Variants in ATL2 observed in about 807,000 individuals in gnomAD.
The protein encoded by ATL2 is atlastin GTPase 2, also known as atlastin-2.
ATL2 carries 31 observed loss-of-function variants against 73.9 expected under a neutral mutation model. The ratio of observed to expected loss-of-function variants is 0.42; its 90% CI spans 0.32 to 0.57. ATL2 has a LOEUF of 0.57. Among genes scored for constraint, ATL2 ranks in the 20% least tolerant of loss-of-function variants. The pLI, the probability that ATL2 is intolerant of heterozygous loss-of-function variation, is 0.14. For missense variants in ATL2, 738 were observed against 702.6 expected, an observed-to-expected ratio of 1.05 and a Z score of -0.57; for synonymous variants, 291 against 237.5, an observed-to-expected ratio of 1.23 and a Z score of -2.07.
intron 1 of ATL2, among the ~76,000 whole-genome samples, chr2:38,348,743 A>C (rs1425677175): frequency 6.6e-6 from 1 of 151,810 alleles, no homozygotes; most frequent in African/African-American, 2.4e-5. Flanking sequence ...GCAACCTACA[A>C]AATGGGAGAA....
intron 1 of ATL2, among the ~76,000 whole-genome samples, chr2:38,367,043 G>C (rs368048309): frequency 1.3e-5 from 2 of 151,606 alleles, no homozygotes; most frequent in Admixed American, 6.6e-5. Context: ...TCACTATGTC[G>C]CCCAGGCTCA....
chr2:38,314,549 G>T (rs1295280109), intron 6 of ATL2, 59 bp downstream of exon 6: 5 of 1,235,560 alleles, frequency 4.0e-6, no homozygotes, highest in Admixed American at 1.8e-5. Flanking sequence ...ATTACAAACT[G>T]AGGTGGCTTC....
chr2:38,376,493 G>A (rs964580791), intron 1 of ATL2: 2 of 208,498 alleles, frequency 9.6e-6, no homozygotes, highest in African/African-American at 4.6e-5. Flanking sequence ...TTGCACCCTA[G>A]CCACGCACAA....
chr2:38,363,370 T>TGGGGG (rs35089431), intron 1 of ATL2, among the ~76,000 whole-genome samples: 1 of 120,492 alleles, frequency 8.3e-6, no homozygotes, highest in East Asian at 2.7e-4. Flanking sequence ...ATTAAAAAGG[T>TGGGGG]GGGGGGGGGG....
In ATL2 at chr2:38,377,222, C is replaced by T. The variant is rs376807453; in HGVS notation, c.39G>A (p.Pro13=). The change falls in exon 1 of 13, where the codon CCG becomes CCA. Residue 13 remains proline, a synonymous_variant. Transcript: ENST00000378954. ...EGDEAARGQQ[P]HQGLWRRRRT... ...GTCGCCGGCGCCACAGCCCCTGGTG[C>T]GGTTGCTGCCCTCGCGCTGCCTCGT... 42 of 1,606,000 alleles carry T rather than the reference C, an allele frequency of 2.6e-5. No homozygotes were observed. Among genetic ancestry groups the T allele is most frequent in the Non-Finnish European group, 3.5e-5 (41 of 1,177,134 alleles).
chr2:38,367,594 C>CAAAAAAA (rs367909549), intron 1 of ATL2, among the ~76,000 whole-genome samples: 2 of 52,496 alleles, frequency 3.8e-5, no homozygotes, highest in Admixed American at 3.7e-4. Context: ...GAATCCATCT[C>CAAAAAAA]AAAAAAAAAA....
chr2:38,364,707 T>A (rs1269193986), intron 1 of ATL2, among the ~76,000 whole-genome samples: 2 of 152,242 alleles, frequency 1.3e-5, no homozygotes, highest in African/African-American at 4.8e-5. Context: ...GAAGGTTTCC[T>A]TGACTCAGGC....
At chr2:38,357,409 C>A (rs1217848591) in intron 1 of ATL2, among the ~76,000 whole-genome samples, 7 of 151,166 alleles carry the variant, frequency 4.6e-5, no homozygotes, top group Non-Finnish European at 7.4e-5. Context: ...TCCTACAGAA[C>A]CCTCAGTCAG....
chr2:38,377,357 C>A (rs1672050860), upstream of ATL2: 6 of 1,007,476 alleles, frequency 6.0e-6, no homozygotes, highest in South Asian at 9.8e-5. Context: ...CGGGTCCTAG[C>A]GCCGCTCTCC....
intron 1 of ATL2, among the ~76,000 whole-genome samples, chr2:38,361,207 A>C (rs892920489): frequency 6.6e-6 from 1 of 151,960 alleles, no homozygotes; most frequent in Non-Finnish European, 1.5e-5. Flanking sequence ...ACAAAAAATT[A>C]GCCAGGCGTG....
intron 1 of ATL2, among the ~76,000 whole-genome samples, chr2:38,357,651 C>CAAAAAA (rs1212548216): frequency 1.5e-5 from 1 of 66,342 alleles, no homozygotes; most frequent in African/African-American, 5.6e-5. Context: ...GACTCCGTCT[C>CAAAAAA]AAAAAAAAAA....
intron 1 of ATL2, among the ~76,000 whole-genome samples, chr2:38,366,702 G>C (rs551335739): frequency 3.1e-4 from 47 of 152,198 alleles, no homozygotes; most frequent in African/African-American, 1.1e-3. Context: ...TATGCATAAA[G>C]TCTCTATGAT....
intron 2 of ATL2, among the ~76,000 whole-genome samples, chr2:38,341,064 C>T (rs1669686945): frequency 6.6e-6 from 1 of 152,170 alleles, no homozygotes; most frequent in East Asian, 1.9e-4. Context: ...ACAGAAATGG[C>T]ACCTGAGGTG....
intron 12 of ATL2, 107 bp from the exon 13 acceptor site, chr2:38,296,220 A>C: frequency 1.4e-6 from 2 of 1,430,778 alleles, no homozygotes; most frequent in Non-Finnish European, 1.8e-6. Flanking sequence ...GAAAATAACC[A>C]GGAATATGGG....
chr2:38,317,155 T>C (rs1045750884), intron 4 of ATL2, among the ~76,000 whole-genome samples: 6 of 151,926 alleles, frequency 3.9e-5, no homozygotes, highest in Non-Finnish European at 8.8e-5. Context: ...CTGGAAAGCA[T>C]AAAAAAATCC....
At chr2:38,349,528 TG>T (rs1209106999) in intron 1 of ATL2, among the ~76,000 whole-genome samples, 1 of 50,222 alleles carries the variant, frequency 2.0e-5, no homozygotes, top group African/African-American at 8.1e-5. Flanking sequence ...TGTTGTGGGG[TG>T]GGGGGAGGGG....
At chr2:38,350,689 G>C (rs1347341693) in intron 1 of ATL2, among the ~76,000 whole-genome samples, 2 of 152,142 alleles carry the variant, frequency 1.3e-5, no homozygotes, top group African/African-American at 4.8e-5. Flanking sequence ...GCGGGGGACA[G>C]TGTGTATATG....
intron 4 of ATL2, among the ~76,000 whole-genome samples, chr2:38,317,496 A>G (rs1668088235): frequency 6.6e-6 from 1 of 152,230 alleles, no homozygotes; most frequent in Non-Finnish European, 1.5e-5. Flanking sequence ...ATATAAGTGA[A>G]AAAGAGAAGG....
chr2:38,346,328 G>A (rs918064690), intron 1 of ATL2, among the ~76,000 whole-genome samples: 2 of 152,096 alleles, frequency 1.3e-5, no homozygotes, highest in African/African-American at 4.8e-5. Context: ...CCACAGAGTA[G>A]CAACTAAATA....
Sources: allele counts gnomAD v4.1 joint callset (sites outside exome capture counted in the v4.1 genomes callset), GRCh38; gene constraint gnomAD v4.1.1; transcripts MANE v1.5; gene names NCBI Gene and HGNC (gene_info 2026-07-23, HGNC 2026-07-21).